Variants in CCNT2 observed in about 807,000 individuals in gnomAD.
CCNT2 encodes the protein cyclin-T2.
CCNT2 carries 18 observed loss-of-function variants against 70.0 expected under a neutral mutation model. The observed-to-expected ratio is 0.26, with a 90% CI of 0.18 to 0.38. The LOEUF (loss-of-function observed/expected upper bound fraction) is 0.38. CCNT2 is among the 10% of genes least tolerant of loss of function. The probability of loss-of-function intolerance (pLI) is 1.00; values close to 1 mark genes in which losing one functional copy is unlikely to be tolerated. For missense variants in CCNT2, 734 were observed against 890.2 expected, an observed-to-expected ratio of 0.82 and a Z score of 2.23; for synonymous variants, 334 against 313.3, an observed-to-expected ratio of 1.07 and a Z score of -0.70.
intron 2 of CCNT2, among the ~76,000 whole-genome samples, chr2:134,933,556 A>T (rs192759536): frequency 6.6e-6 from 1 of 152,236 alleles, no homozygotes; most frequent in Non-Finnish European, 1.5e-5. Context: ...AAGGAATAAA[A>T]AAGAGAAGGA....
intron 5 of CCNT2, chr2:134,943,604 T>C (rs2105065432): frequency 1.0e-6 from 1 of 985,080 alleles, no homozygotes; most frequent in South Asian, 4.7e-5. Context: ...GGAGTACTTT[T>C]TAAAAATATT....
rs570833154 is a variant in CCNT2 at position 134,953,052 on chromosome 2, T to C, written c.775-178T>C. The C allele has an allele frequency of 2.5e-5, 13 of 511,492 alleles. No homozygotes were observed. In the East Asian group the frequency reaches 4.0e-4, roughly 16 times the overall value. 31.7% of individuals were successfully genotyped at this position (511,492 alleles called of 1,614,324 possible). ...TAAAATGGGTGTTTTCAATTTTTTA[T>C]AGCCTTTTATGCCTCTAAGGCATTT... On this transcript the variant is annotated intron_variant, in intron 8 of 8. Transcript: ENST00000264157.
In CCNT2 at chr2:134,940,637, G is replaced by A. The variant is rs142096148; in HGVS notation, c.430+1575G>A. ...ATTGCAGTGAGCTCACATGTTATGA[G>A]TATCCACGTAAAATGCTGTGTGACA... On this transcript the variant is annotated intron_variant, in intron 4 of 8. Coordinates refer to ENST00000264157, the MANE Select transcript of CCNT2 (RefSeq NM_058241.3). Among the ~76,000 whole-genome samples the A allele has an allele frequency of 1.1e-3, 171 of 152,304 alleles. 5 individuals are homozygous for A. The Middle Eastern group carries it at 0.041, about 36-fold the overall frequency.
intron 6 of CCNT2, chr2:134,946,407 C>T: frequency 8.2e-7 from 1 of 1,224,766 alleles, no homozygotes; most frequent in Non-Finnish European, 1.0e-6. Context: ...AATTGGTAGC[C>T]TGAATAGCAG....
chr2:134,956,651 G>A lies in CCNT2; in HGVS notation c.*2003G>A, dbSNP rs944557297. ...AACTACATAAGGTGGTTGTGCTACT[G>A]TATAATTGGGGGTGATAATACCAGG... On this transcript the variant is annotated 3_prime_UTR_variant, in exon 9 of 9. Transcript: ENST00000264157. The A allele has an allele frequency of 6.6e-6, 1 of 152,476 alleles. No individual in the cohort carries two copies. The highest frequency in any genetic ancestry group is 1.5e-5 in the Non-Finnish European group (1 of 67,990). The allele number at this position is 152,476 out of a possible 1,614,324, so 9.4% of individuals were successfully genotyped here.
At chr2:134,947,079 G>A (rs78307670) in intron 6 of CCNT2, among the ~76,000 whole-genome samples, 4,786 of 152,296 alleles carry the variant, frequency 0.031, 135 homozygotes, top group Middle Eastern at 0.13. Context: ...GGCTAGCTGT[G>A]ACACATATTT....
intron 2 of CCNT2, among the ~76,000 whole-genome samples, chr2:134,924,020 T>G (rs1268550024): frequency 1.3e-5 from 2 of 152,246 alleles, no homozygotes; most frequent in African/African-American, 4.8e-5. Context: ...TACATCAGTG[T>G]TAGCATTTAT....
At chr2:134,937,989 T>C (rs898093221) in intron 3 of CCNT2, among the ~76,000 whole-genome samples, 1 of 152,210 alleles carries the variant, frequency 6.6e-6, no homozygotes, top group Non-Finnish European at 1.5e-5. Context: ...ACTAACAGAT[T>C]ATATTAATTC....
intron 2 of CCNT2, among the ~76,000 whole-genome samples, chr2:134,922,713 C>G (rs550294137): frequency 6.6e-6 from 1 of 152,250 alleles, no homozygotes; most frequent in African/African-American, 2.4e-5. Flanking sequence ...GGAAAGCACC[C>G]ACCCCCCAAG....
intron 2 of CCNT2, among the ~76,000 whole-genome samples, chr2:134,933,160 C>A (rs1680907037): frequency 6.6e-6 from 1 of 152,096 alleles, no homozygotes; most frequent in Admixed American, 6.6e-5. Context: ...AACTTGGAAT[C>A]CTTTTCTTTG....
At chr2:134,930,844 CCTAAA>C (rs1213187812) in intron 2 of CCNT2, among the ~76,000 whole-genome samples, 2 of 151,912 alleles carry the variant, frequency 1.3e-5, no homozygotes, top group African/African-American at 2.4e-5. Flanking sequence ...GAAACCTTTA[CCTAAA>C]CTAGAGTCAT....
intron 7 of CCNT2, among the ~76,000 whole-genome samples, chr2:134,952,204 T>A (rs1246594193): frequency 1.3e-5 from 2 of 152,142 alleles, no homozygotes; most frequent in Non-Finnish European, 2.9e-5. Flanking sequence ...AAGTCACTAT[T>A]TTTTTTCTCT....
At chr2:134,921,345 A>G (rs920478298) in intron 2 of CCNT2, among the ~76,000 whole-genome samples, 2 of 143,558 alleles carry the variant, frequency 1.4e-5, no homozygotes, top group Non-Finnish European at 3.0e-5. Context: ...CACTTCTTTT[A>G]TTTATTAATT....
chr2:134,926,909 G>A (rs940529381), intron 2 of CCNT2, among the ~76,000 whole-genome samples: 8 of 152,124 alleles, frequency 5.3e-5, no homozygotes, highest in African/African-American at 1.7e-4. Flanking sequence ...ATCACTAAAA[G>A]TTTACCTTCA....
At chr2:134,922,187 C>T (rs553888103) in intron 2 of CCNT2, among the ~76,000 whole-genome samples, 1 of 152,164 alleles carries the variant, frequency 6.6e-6, no homozygotes, top group South Asian at 2.1e-4. Flanking sequence ...CTTTAAAAAG[C>T]GTGAATCTTC....
chr2:134,928,274 C>CTT (rs551173090), intron 2 of CCNT2, among the ~76,000 whole-genome samples: 1,059 of 96,382 alleles, frequency 0.011, 64 homozygotes, highest in African/African-American at 0.027. Context: ...CATTGTATTT[C>CTT]TTTTTTTTTT....
In CCNT2 at chr2:134,939,185, A is replaced by G. The variant is rs45441400; in HGVS notation, c.430+123A>G. 7.4e-4 allele frequency: 509 copies of G among 683,716 alleles called. 8 individuals carry two copies. The South Asian group carries it at 9.7e-3, about 13-fold the overall frequency. 42.4% of individuals were successfully genotyped at this position (683,716 alleles called of 1,614,324 possible). ...AGTTATTTTAAAACAGGTTTTAGAC[A>G]GAATAAGGTTGCCTGGTTATAAGGA... On this transcript the variant is annotated intron_variant, in intron 4 of 8. Transcript: ENST00000264157.
chr2:134,929,939 C>A (rs1283274263), intron 2 of CCNT2, among the ~76,000 whole-genome samples: 3 of 151,646 alleles, frequency 2.0e-5, no homozygotes, highest in Non-Finnish European at 4.4e-5. Context: ...GCATGAGCCA[C>A]CCCGCCTGGC....
In CCNT2 at chr2:134,953,228, A is replaced by C. The variant is rs1430568668; in HGVS notation, c.775-2A>C. ...TGCTTCTTCTGTGTTTTATTTTAAT[A>C]GGCTAATCAGGCAGCTAGGAAACCA... On this transcript the variant is annotated splice_acceptor_variant, in intron 8 of 8. Coordinates refer to ENST00000264157, the MANE Select transcript of CCNT2 (RefSeq NM_058241.3). LOFTEE classifies it high-confidence loss of function. 6.3e-7 allele frequency: 1 copy of C among 1,597,484 alleles called. No homozygotes were observed. Among genetic ancestry groups the C allele is most frequent in the Non-Finnish European group, 8.6e-7 (1 of 1,168,084 alleles).
Sources: gnomAD v4.1 joint callset for allele counts (sites outside exome capture counted in the v4.1 genomes callset) on GRCh38, gnomAD v4.1.1 for gene constraint, MANE v1.5 for transcripts, NCBI Gene and HGNC (gene_info 2026-07-23, HGNC 2026-07-21) for gene names.